PHKB: variants seen among roughly 807,000 people sequenced by gnomAD.
PHKB encodes phosphorylase kinase regulatory subunit beta, also known as phosphorylase b kinase regulatory subunit beta.
In PHKB, 122 loss-of-function variants were observed where a neutral mutation model predicts 152.1. The observed-to-expected ratio is 0.80, with a 90% CI of 0.69 to 0.93. The LOEUF is 0.93. Among genes scored for constraint, PHKB ranks in the 40% least tolerant of loss-of-function variants. The probability of loss-of-function intolerance (pLI) is 0.00; values close to 1 mark genes in which losing one functional copy is unlikely to be tolerated. For synonymous variants in PHKB, 436 were observed against 464.9 expected (o/e 0.94, Z 0.80); for missense variants, 1,304 against 1,328.4 (o/e 0.98, Z 0.29).
intron 14 of PHKB, among the ~76,000 whole-genome samples, chr16:47,638,933 G>A (rs559942817): frequency 1.7e-4 from 26 of 152,314 alleles, no homozygotes; most frequent in Admixed American, 1.0e-3. Flanking sequence ...GAAGGTATTA[G>A]TTACTATTAG....
intron 14 of PHKB, among the ~76,000 whole-genome samples, chr16:47,638,990 G>A (rs992101721): frequency 6.6e-6 from 1 of 152,196 alleles, no homozygotes; most frequent in African/African-American, 2.4e-5. Flanking sequence ...AATGGTGGTG[G>A]TTTGCTGGAT....
chr16:47,549,568 G>GCCT (rs1971235124), intron 7 of PHKB, among the ~76,000 whole-genome samples: 1 of 152,028 alleles, frequency 6.6e-6, no homozygotes, highest in Admixed American at 6.5e-5. Flanking sequence ...GGTGGCATGC[G>GCCT]CCTGTAATCC....
intron 14 of PHKB, among the ~76,000 whole-genome samples, chr16:47,635,088 G>A (rs2151723089): frequency 6.6e-6 from 1 of 152,324 alleles, no homozygotes; most frequent in Middle Eastern, 3.4e-3. Flanking sequence ...AGTATTAGCA[G>A]TGGAGAAGGA....
rs142123986 is a variant in PHKB, at chr16:47,469,059, C to G, written c.76+7633C>G. Among the ~76,000 whole-genome samples the G allele has an allele frequency of 1.7e-3, 260 of 152,100 alleles. 2 individuals are homozygous for G. Among genetic ancestry groups the G allele is most frequent in the African/African-American group, 5.9e-3 (246 of 41,532 alleles). On this transcript the variant is annotated intron_variant, in intron 1 of 30. Transcript: ENST00000323584. ...CCTTATTATTAGGTAATTTTTCCCC[C>G]TTCTTAGTTTTCCTGTTCATCTTCA...
In PHKB at chr16:47,641,630, C is replaced by T. The variant is rs758004953; in HGVS notation, c.1546C>T (p.Gln516Ter). 8.8e-5 allele frequency: 141 copies of T among 1,603,986 alleles called. No individual in the cohort carries two copies. Among genetic ancestry groups the T allele is most frequent in the Non-Finnish European group, 1.2e-4 (140 of 1,170,838 alleles). The change falls in exon 16 of 31, where the codon CAA becomes TAA. Residue 516 changes from glutamine (Q) to a stop codon, truncating the protein, a stop_gained. Transcript: ENST00000323584. LOFTEE classifies it high-confidence loss of function. Reference sequence around the variant, plus strand: ...AGTTTTTCTGAACACATATGGTATTCAAACTCAAACTCCTCAACAAGTAGA... The same window carrying T: ...AGTTTTTCTGAACACATATGGTATTTAAACTCAAACTCCTCAACAAGTAGA... ...LQVFLNTYGI[Q>*]TQTPQQVEPI... is the part of the protein sequence containing the mutation.
chr16:47,637,623 A>C (rs1281073021), intron 14 of PHKB, among the ~76,000 whole-genome samples: 1 of 152,222 alleles, frequency 6.6e-6, no homozygotes, highest in East Asian at 1.9e-4. Context: ...ATGTGACCAT[A>C]GACTTGTGTT....
chr16:47,584,868 T>G (rs1415413007), intron 8 of PHKB, among the ~76,000 whole-genome samples: 1 of 152,192 alleles, frequency 6.6e-6, no homozygotes, highest in Non-Finnish European at 1.5e-5. Flanking sequence ...GAGAAGTGAT[T>G]AATGAAGAAA....
intron 6 of PHKB, among the ~76,000 whole-genome samples, chr16:47,545,363 G>T (rs1971141304): frequency 6.6e-6 from 1 of 152,132 alleles, no homozygotes; most frequent in African/African-American, 2.4e-5. Context: ...GCTTAGTTTG[G>T]CTGGATATGT....
chr16:47,630,463 C>T (rs982315757), intron 14 of PHKB, among the ~76,000 whole-genome samples: 1 of 148,760 alleles, frequency 6.7e-6, no homozygotes, highest in South Asian at 2.1e-4. Flanking sequence ...GCCTGGGTGA[C>T]AGAAGGGAAA....
chr16:47,616,121 A>G (rs1972509736), intron 14 of PHKB, among the ~76,000 whole-genome samples: 1 of 152,144 alleles, frequency 6.6e-6, no homozygotes, highest in African/African-American at 2.4e-5. Flanking sequence ...TCTGTGGATT[A>G]TCATTCCAGT....
chr16:47,617,499 T>A (rs1972540276), intron 14 of PHKB, among the ~76,000 whole-genome samples: 1 of 152,052 alleles, frequency 6.6e-6, no homozygotes, highest in African/African-American at 2.4e-5. Flanking sequence ...TGTGTATGAA[T>A]TTGCCTATTC....
At chr16:47,566,605 C>A in intron 7 of PHKB, 1 of 1,385,634 alleles carries the variant, frequency 7.2e-7, no homozygotes, top group Non-Finnish European at 1.0e-6. Flanking sequence ...CCTAGAAAAG[C>A]AATGTAGGGT....
intron 1 of PHKB, among the ~76,000 whole-genome samples, chr16:47,477,479 A>G (rs142041735): frequency 6.6e-6 from 1 of 152,326 alleles, no homozygotes; most frequent in Non-Finnish European, 1.5e-5. Context: ...TACTTGGTGA[A>G]TAAAATTCAG....
intron 13 of PHKB, among the ~76,000 whole-genome samples, chr16:47,606,581 A>G (rs909951053): frequency 3.9e-5 from 6 of 152,346 alleles, no homozygotes; most frequent in Middle Eastern, 3.4e-3. Flanking sequence ...TAATTTGCAC[A>G]TGTGTGAGCA....
intron 13 of PHKB, among the ~76,000 whole-genome samples, chr16:47,608,026 G>A (rs541371833): frequency 2.0e-5 from 3 of 147,864 alleles, no homozygotes; most frequent in Non-Finnish European, 4.5e-5. Flanking sequence ...TTTTTAATGG[G>A]TTTTTTTTTT....
chr16:47,568,985 A>G (rs1219197692), intron 7 of PHKB, among the ~76,000 whole-genome samples: 1 of 152,148 alleles, frequency 6.6e-6, no homozygotes, highest in Non-Finnish European at 1.5e-5. Flanking sequence ...ATGAGAATGT[A>G]TACCCTGCAG....
At chr16:47,686,815 G>A (rs1973973377) in intron 26 of PHKB, among the ~76,000 whole-genome samples, 1 of 152,088 alleles carries the variant, frequency 6.6e-6, no homozygotes, top group Non-Finnish European at 1.5e-5. Context: ...GAGTATTTTA[G>A]TGAGTATATA....
intron 13 of PHKB, among the ~76,000 whole-genome samples, chr16:47,602,669 A>G: frequency 6.6e-6 from 1 of 150,378 alleles, no homozygotes. Flanking sequence ...GCCACTTACT[A>G]CCTGTGTGAT....
Position 47,698,567 on chromosome 16 carries a change from GC to G in PHKB, c.3124del (p.Leu1042Ter), listed in dbSNP as rs756592483. 26 of 1,568,928 alleles carry G rather than the reference GC, an allele frequency of 1.7e-5. No individual in the cohort carries two copies. The highest frequency in any genetic ancestry group is 2.2e-5 in the Non-Finnish European group (25 of 1,148,896). ...FNEFQKDQSR[L>X]KEIEKQDDMT... Reference sequence around the variant, plus strand: ...ATGAATTTCAAAAAGATCAGAGTCGGCTAAAGGAAATTGAAAAACAAGTAAG... The same window carrying G: ...ATGAATTTCAAAAAGATCAGAGTCGGTAAAGGAAATTGAAAAACAAGTAAG... On this transcript the variant is annotated frameshift_variant, in exon 30 of 31. Transcript: ENST00000323584. LOFTEE classifies it high-confidence loss of function.
Sources: allele counts gnomAD v4.1 joint callset (sites outside exome capture counted in the v4.1 genomes callset), GRCh38; gene constraint gnomAD v4.1.1; transcripts MANE v1.5; gene names NCBI Gene and HGNC (gene_info 2026-07-23, HGNC 2026-07-21).